The following SIN3B variants were observed in gnomAD, a reference collection of about 807,000 sequenced individuals.
SIN3B encodes the protein SIN3 transcription regulator family member B.
Under a neutral mutation model 120.2 loss-of-function variants are expected in SIN3B, and 19 were observed. The ratio of observed to expected loss-of-function variants is 0.16; its 90% CI spans 0.11 to 0.23. The LOEUF is 0.23. SIN3B is among the 10% of genes least tolerant of loss of function. SIN3B has a pLI of 1.00. For synonymous variants in SIN3B, 654 were observed against 653.2 expected, an observed-to-expected ratio of 1.00 and a Z score of -0.02; for missense variants, 1,073 against 1,573.0, an observed-to-expected ratio of 0.68 and a Z score of 5.38.
At position 16,878,734 on chromosome 19, in the gene SIN3B, C is replaced by T; in HGVS notation, c.*7C>T. Reference sequence around the variant, plus strand: ...CCGCCCGGCCTCGCCCTGACCCGCCCTCATGGGCACCGGGCAGGCGCCTCA... The same window carrying T: ...CCGCCCGGCCTCGCCCTGACCCGCCTTCATGGGCACCGGGCAGGCGCCTCA... On this transcript the variant is annotated 3_prime_UTR_variant, in exon 19 of 19. Coordinates refer to ENST00000248054, the MANE Select transcript of SIN3B (RefSeq NM_001297595.2). 6.3e-7 allele frequency: 1 copy of T among 1,588,282 alleles called. No homozygotes were observed. Among genetic ancestry groups the T allele is most frequent in the Non-Finnish European group, 8.5e-7 (1 of 1,170,992 alleles).
chr19:16,865,316 C>CA (rs1555742994), intron 10 of SIN3B, 94 bp from the exon 11 acceptor site: 341 of 543,538 alleles, frequency 6.3e-4, no homozygotes, highest in Middle Eastern at 1.7e-3. Context: ...ACCCCCCCCC[C>CA]AAAAAAATCC....
At chr19:16,834,485 C>T (rs1033920896) in intron 3 of SIN3B, among the ~76,000 whole-genome samples, 6 of 152,156 alleles carry the variant, frequency 3.9e-5, no homozygotes, top group Admixed American at 6.5e-5. Flanking sequence ...CTTGTCTCCC[C>T]GTAGGTGGCT....
At chr19:16,851,009 C>T (rs1971537521) in intron 5 of SIN3B, among the ~76,000 whole-genome samples, 1 of 152,236 alleles carries the variant, frequency 6.6e-6, no homozygotes, top group African/African-American at 2.4e-5. Flanking sequence ...CAGCCACTTC[C>T]CCTTGCTGCC....
intron 5 of SIN3B, among the ~76,000 whole-genome samples, chr19:16,849,828 T>C (rs2144592930): frequency 6.6e-6 from 1 of 152,238 alleles, no homozygotes; most frequent in South Asian, 2.1e-4. Flanking sequence ...TGGTGGCTCG[T>C]GCCTGTAATC....
At chr19:16,840,941 G>A (rs780197999) in intron 3 of SIN3B, among the ~76,000 whole-genome samples, 2 of 152,132 alleles carry the variant, frequency 1.3e-5, no homozygotes, top group Admixed American at 6.6e-5. Flanking sequence ...GTGAAAGAGC[G>A]TTCTCTAGGA....
chr19:16,878,746 G>C lies in SIN3B; in HGVS notation c.*19G>C. 1.9e-6 allele frequency: 3 copies of C among 1,572,492 alleles called. No homozygotes were observed. The highest frequency in any genetic ancestry group is 2.6e-6 in the Non-Finnish European group (3 of 1,163,390). On this transcript the variant is annotated 3_prime_UTR_variant, in exon 19 of 19. Coordinates refer to ENST00000248054, the MANE Select transcript of SIN3B (RefSeq NM_001297595.2). ...GCCCTGACCCGCCCTCATGGGCACC[G>C]GGCAGGCGCCTCACAGAGCACAGAC...
intron 13 of SIN3B, 51 bp from the exon 14 acceptor site, chr19:16,871,178 T>C: frequency 1.2e-6 from 2 of 1,612,054 alleles, no homozygotes; most frequent in Non-Finnish European, 1.7e-6. Context: ...TTGGCCTGCG[T>C]GACTTTGCGC....
chr19:16,856,928 A>T (rs1971623679), intron 8 of SIN3B, among the ~76,000 whole-genome samples: 1 of 152,072 alleles, frequency 6.6e-6, no homozygotes, highest in Non-Finnish European at 1.5e-5. Context: ...TAACATGATC[A>T]GTCCATTCAG....
At chr19:16,865,682 C>T (rs1971760808) in intron 11 of SIN3B, 34 bp downstream of exon 11, 2 of 1,343,630 alleles carry the variant, frequency 1.5e-6, no homozygotes, top group South Asian at 2.6e-5. Context: ...CCTTCCCCTT[C>T]CCCTTCCCCC....
At chr19:16,861,568 G>A (rs1971688182) in intron 8 of SIN3B, among the ~76,000 whole-genome samples, 1 of 152,128 alleles carries the variant, frequency 6.6e-6, no homozygotes, top group South Asian at 2.1e-4. Flanking sequence ...TTTGAGACCA[G>A]CCTGGCCAAC....
At chr19:16,848,776 C>T (rs772222113) in intron 5 of SIN3B, among the ~76,000 whole-genome samples, 37 of 152,332 alleles carry the variant, frequency 2.4e-4, no homozygotes, top group Admixed American at 5.9e-4. Context: ...GCTGGGATTA[C>T]AGGTGTGAGC....
At chr19:16,871,791 C>T (rs546840851) in intron 14 of SIN3B, among the ~76,000 whole-genome samples, 1 of 152,122 alleles carries the variant, frequency 6.6e-6, no homozygotes, top group Non-Finnish European at 1.5e-5. Flanking sequence ...TGGGTAGCTA[C>T]GTTTTGTTTC....
At chr19:16,856,835 G>A (rs748578454) in intron 8 of SIN3B, among the ~76,000 whole-genome samples, 4 of 152,086 alleles carry the variant, frequency 2.6e-5, no homozygotes, top group Non-Finnish European at 2.9e-5. Flanking sequence ...GTCTCCCAAC[G>A]TGCTGAGATT....
intron 1 of SIN3B, 111 bp from the exon 2 acceptor site, chr19:16,829,680 C>T (rs1971253253): frequency 1.6e-6 from 2 of 1,257,114 alleles, no homozygotes; most frequent in Non-Finnish European, 2.2e-6. Flanking sequence ...CCCCTCACCT[C>T]TCACCTCGGC....
intron 3 of SIN3B, among the ~76,000 whole-genome samples, chr19:16,835,005 C>T (rs1971328400): frequency 6.6e-6 from 1 of 151,740 alleles, no homozygotes; most frequent in Non-Finnish European, 1.5e-5. Flanking sequence ...CGACTCACCG[C>T]ATCCTCTGCC....
rs138842076 is a variant in SIN3B at position 16,861,652 on chromosome 19, A to G, written c.1059-700A>G. On this transcript the variant is annotated intron_variant, in intron 8 of 18. Transcript: ENST00000248054. ...GTGGTGCATGCCTGTAGTCCCAGCT[A>G]CTCAGAAAGCTGAGACAGGAGAATT... Among the ~76,000 whole-genome samples, 43 of 152,054 alleles carry G rather than the reference A, an allele frequency of 2.8e-4. No individual in the cohort carries two copies. The East Asian group carries it at 6.4e-3, about 23-fold the overall frequency.
intron 7 of SIN3B, among the ~76,000 whole-genome samples, chr19:16,853,364 TC>T (rs1331153906): frequency 1.3e-5 from 2 of 151,968 alleles, no homozygotes; most frequent in Non-Finnish European, 2.9e-5. Flanking sequence ...TGGGCAGGAG[TC>T]CCAGTGGGTG....
chr19:16,857,514 A>AAT (rs1491091073), intron 8 of SIN3B, among the ~76,000 whole-genome samples: 5 of 68,506 alleles, frequency 7.3e-5, no homozygotes, highest in Non-Finnish European at 1.3e-4. Context: ...ACTTAAAAAA[A>AAT]ATATGTGTGT....
chr19:16,857,411 C>T (rs958909668), intron 8 of SIN3B, among the ~76,000 whole-genome samples: 14 of 151,562 alleles, frequency 9.2e-5, no homozygotes, highest in African/African-American at 3.4e-4. Context: ...ATTAAATGAG[C>T]GCTGGCAGCA....
Sources: gnomAD v4.1 joint callset for allele counts (sites outside exome capture counted in the v4.1 genomes callset) on GRCh38, gnomAD v4.1.1 for gene constraint, MANE v1.5 for transcripts, NCBI Gene and HGNC (gene_info 2026-07-23, HGNC 2026-07-21) for gene names.